The following SAMMSON variants were observed in gnomAD, a reference collection of about 807,000 sequenced individuals.
SAMMSON encodes the protein long intergenic non-protein coding RNA 1212.
At chr3:70,122,332 A>G (rs2067437964) in intron 4 of SAMMSON, among the ~76,000 whole-genome samples, 3 of 152,078 alleles carry the variant, frequency 2.0e-5, no homozygotes, top group Admixed American at 2.0e-4. Context: ...AGCTGGGACT[A>G]CAGGCGTGTC....
chr3:70,264,953 G>A (rs1014750089), intron 6 of SAMMSON, among the ~76,000 whole-genome samples: 1 of 152,164 alleles, frequency 6.6e-6, no homozygotes, highest in African/African-American at 2.4e-5. Flanking sequence ...ATGGTGGAAG[G>A]TGAATGAGGA....
At chr3:70,072,570 T>C (rs917048155) in intron 4 of SAMMSON, 1 of 85,354 alleles carries the variant, frequency 1.2e-5, no homozygotes, top group Admixed American at 1.4e-4. Flanking sequence ...AGAATAAAGA[T>C]AAAAATTGCT....
chr3:70,252,943 G>C (rs776054728), intron 6 of SAMMSON, among the ~76,000 whole-genome samples: 8 of 151,986 alleles, frequency 5.3e-5, no homozygotes, highest in Non-Finnish European at 1.0e-4. Flanking sequence ...AGCCGGCTGT[G>C]GTGGCAGGCG....
chr3:70,130,123 G>A (rs1372346094), intron 4 of SAMMSON, among the ~76,000 whole-genome samples: 1 of 152,174 alleles, frequency 6.6e-6, no homozygotes, highest in African/African-American at 2.4e-5. Context: ...GCTGTTCTTA[G>A]CAGGGAGTCT....
intron 3 of SAMMSON, among the ~76,000 whole-genome samples, chr3:70,053,000 A>G (rs2067151993): frequency 6.6e-6 from 1 of 152,186 alleles, no homozygotes; most frequent in South Asian, 2.1e-4. Flanking sequence ...AAGTCAAAAG[A>G]CAAAAAATGC....
intron 6 of SAMMSON, among the ~76,000 whole-genome samples, chr3:70,258,687 T>G (rs181547004): frequency 6.6e-6 from 1 of 152,198 alleles, no homozygotes; most frequent in Non-Finnish European, 1.5e-5. Flanking sequence ...AGTCAAAGCT[T>G]TATGTATAAG....
chr3:70,316,998 T>A (rs1702499386), intron 7 of SAMMSON, among the ~76,000 whole-genome samples: 1 of 152,084 alleles, frequency 6.6e-6, no homozygotes, highest in Non-Finnish European at 1.5e-5. Flanking sequence ...AGGTGGTGTG[T>A]TACGGATATT....
intron 7 of SAMMSON, among the ~76,000 whole-genome samples, chr3:70,304,548 G>A (rs907055219): frequency 1.3e-5 from 2 of 152,074 alleles, no homozygotes; most frequent in African/African-American, 4.8e-5. Context: ...AAAGCCGGGG[G>A]TCAGCCTTTG....
chr3:70,232,930 G>A (rs999432761), intron 4 of SAMMSON, among the ~76,000 whole-genome samples: 3 of 152,006 alleles, frequency 2.0e-5, no homozygotes, highest in African/African-American at 7.2e-5. Context: ...GGTTCACACC[G>A]GTAATCCCAG....
chr3:70,370,436 G>A (rs1702958704), intron 9 of SAMMSON, among the ~76,000 whole-genome samples: 1 of 152,124 alleles, frequency 6.6e-6, no homozygotes, highest in Non-Finnish European at 1.5e-5. Flanking sequence ...CAGTGTATAA[G>A]ACTACTCTTT....
intron 2 of SAMMSON, among the ~76,000 whole-genome samples, chr3:70,413,363 T>A (rs1701237313): frequency 1.3e-5 from 2 of 152,198 alleles, no homozygotes; most frequent in Middle Eastern, 3.4e-3. Flanking sequence ...ACATAAAAAA[T>A]TTTCTGAAAT....
At chr3:70,074,441 G>A (rs558105686) in intron 4 of SAMMSON, among the ~76,000 whole-genome samples, 4 of 152,052 alleles carry the variant, frequency 2.6e-5, no homozygotes, top group Non-Finnish European at 4.4e-5. Flanking sequence ...ATAGATTTTT[G>A]TGTGTTTCTT....
intron 7 of SAMMSON, chr3:70,302,464 A>G (rs1304267620): frequency 6.6e-6 from 1 of 152,156 alleles, no homozygotes; most frequent in African/African-American, 2.4e-5. Flanking sequence ...TCCTCTCACT[A>G]TAAGACTGCT....
intron 7 of SAMMSON, among the ~76,000 whole-genome samples, chr3:70,353,244 TTTCTC>T (rs746234880): frequency 1.3e-4 from 20 of 152,012 alleles, no homozygotes; most frequent in Non-Finnish European, 2.6e-4. Flanking sequence ...TAATAAAACT[TTTCTC>T]TATAAAAGAA....
intron 4 of SAMMSON, among the ~76,000 whole-genome samples, chr3:70,220,012 A>AG (rs1198673113): frequency 6.6e-6 from 1 of 152,174 alleles, no homozygotes; most frequent in Non-Finnish European, 1.5e-5. Flanking sequence ...ATTCTAAAAA[A>AG]TATTTTGAAT....
chr3:70,433,444 T>G (rs948461204), intron 2 of SAMMSON, among the ~76,000 whole-genome samples: 1 of 152,168 alleles, frequency 6.6e-6, no homozygotes, highest in Non-Finnish European at 1.5e-5. Context: ...TTTTGCTATC[T>G]GTATCTGCAT....
intron 4 of SAMMSON, among the ~76,000 whole-genome samples, chr3:70,202,934 G>A (rs1453919352): frequency 6.6e-6 from 1 of 152,056 alleles, no homozygotes; most frequent in East Asian, 1.9e-4. Flanking sequence ...TTTGAGGGGA[G>A]CCTCATGGCT....
At chr3:70,414,770 A>G (rs759481855) in intron 2 of SAMMSON, among the ~76,000 whole-genome samples, 4 of 152,180 alleles carry the variant, frequency 2.6e-5, no homozygotes, top group Non-Finnish European at 5.9e-5. Context: ...TAATTCATTT[A>G]TAAAGTGAAC....
chr3:70,305,987 A>T (rs1702396101), intron 7 of SAMMSON, among the ~76,000 whole-genome samples: 2 of 152,186 alleles, frequency 1.3e-5, no homozygotes, highest in Non-Finnish European at 2.9e-5. Context: ...TAATTCTGAT[A>T]ACCATGATAA....
Sources: gnomAD v4.1 joint callset for allele counts (sites outside exome capture counted in the v4.1 genomes callset) on GRCh38, gnomAD v4.1.1 for gene constraint, MANE v1.5 for transcripts, NCBI Gene and HGNC (gene_info 2026-07-23, HGNC 2026-07-21) for gene names.